Variants in FAM81B observed in about 807,000 individuals in gnomAD.
FAM81B encodes protein FAM81B.
FAM81B carries 60 observed loss-of-function variants against 58.7 expected under a neutral mutation model. The ratio of observed to expected loss-of-function variants is 1.02; its 90% CI spans 0.83 to 1.27. The LOEUF (loss-of-function observed/expected upper bound fraction) is 1.27, where lower values mean the gene tolerates loss of function less well. Among genes scored for constraint, FAM81B ranks in the 50% most tolerant of loss-of-function variants. FAM81B has a pLI of 0.00. For missense variants in FAM81B, 491 were observed against 522.0 expected (o/e 0.94, Z 0.58); for synonymous variants, 189 against 179.6 (o/e 1.05, Z -0.42).
At position 95,395,318 on chromosome 5, in the gene FAM81B, C is replaced by G. The variant is rs551547160; in HGVS notation, c.229-793C>G. Among the ~76,000 whole-genome samples the G allele has an allele frequency of 5.7e-4, 87 of 151,970 alleles. 1 individual carries two copies. The highest frequency in any genetic ancestry group is 1.9e-3 in the African/African-American group (79 of 41,470). On this transcript the variant is annotated intron_variant, in intron 2 of 9. Transcript: ENST00000283357. The stretch of plus-strand genomic sequence containing the variant: ...TTTAGCCAGGCGTGGTGGCGGGCGC[C>G]TGTCGTCCCAGCTACGCAGGAGGCT...
chr5:95,440,189 A>G, intron 7 of FAM81B: 1 of 618,852 alleles, frequency 1.6e-6, no homozygotes, highest in African/African-American at 1.8e-5. Flanking sequence ...TCAAGATTCA[A>G]GATCAACAAG....
At chr5:95,431,450 T>G (rs2152767624) in intron 6 of FAM81B, among the ~76,000 whole-genome samples, 1 of 152,134 alleles carries the variant, frequency 6.6e-6, no homozygotes, top group East Asian at 1.9e-4. Flanking sequence ...ATTAGTTGTT[T>G]TTGCTTATAA....
intron 3 of FAM81B, among the ~76,000 whole-genome samples, chr5:95,408,800 A>C (rs1005789177): frequency 4.6e-5 from 7 of 152,252 alleles, no homozygotes. Context: ...AAATGCTCAA[A>C]GATACTAGCT....
At chr5:95,450,121 G>T in intron 9 of FAM81B, 28 bp from the exon 10 acceptor site, 1 of 1,586,300 alleles carries the variant, frequency 6.3e-7, no homozygotes, top group Non-Finnish European at 8.5e-7. Context: ...CATTGTTTAA[G>T]TGTACCTATT....
intron 2 of FAM81B, among the ~76,000 whole-genome samples, chr5:95,394,387 T>C (rs1267051504): frequency 6.6e-6 from 1 of 152,010 alleles, no homozygotes. Context: ...TCCAAACATA[T>C]AAGGAGGGAC....
intron 7 of FAM81B, 51 bp downstream of exon 7, chr5:95,436,957 T>C (rs1333230639): frequency 6.9e-7 from 1 of 1,442,826 alleles, no homozygotes; most frequent in African/African-American, 1.4e-5. Flanking sequence ...CAAAGAGTTT[T>C]GCCTAATGAA....
intron 3 of FAM81B, 66 bp downstream of exon 3, chr5:95,396,241 A>C: frequency 8.0e-7 from 1 of 1,244,568 alleles, no homozygotes; most frequent in South Asian, 1.4e-5. Flanking sequence ...TCTCACACGC[A>C]AAAAAGAAAA....
At chr5:95,425,853 T>C (rs1762809674) in intron 5 of FAM81B, among the ~76,000 whole-genome samples, 1 of 151,908 alleles carries the variant, frequency 6.6e-6, no homozygotes, top group Non-Finnish European at 1.5e-5. Context: ...CTAAAGTTGG[T>C]ATTGAGATGG....
chr5:95,397,548 G>A (rs972477677), intron 3 of FAM81B, among the ~76,000 whole-genome samples: 8 of 152,146 alleles, frequency 5.3e-5, no homozygotes, highest in African/African-American at 1.9e-4. Context: ...AGCTGGTGAT[G>A]TACATCCCAG....
intron 3 of FAM81B, among the ~76,000 whole-genome samples, chr5:95,398,969 A>T (rs1182686621): frequency 6.6e-6 from 1 of 152,226 alleles, no homozygotes; most frequent in Non-Finnish European, 1.5e-5. Flanking sequence ...GAGAAAATGA[A>T]TCCTGAGTTT....
intron 3 of FAM81B, among the ~76,000 whole-genome samples, chr5:95,413,614 A>C (rs1762460004): frequency 6.6e-6 from 1 of 152,180 alleles, no homozygotes; most frequent in South Asian, 2.1e-4. Flanking sequence ...GCATCTTTAT[A>C]GTTATAAAAA....
At chr5:95,424,044 AT>A in intron 5 of FAM81B, 1 of 1,289,586 alleles carries the variant, frequency 7.8e-7, no homozygotes, top group Non-Finnish European at 1.0e-6. Context: ...CATTTCTATC[AT>A]CTAGGACCTC....
Position 95,439,925 on chromosome 5 carries a change from A to C in FAM81B, c.893+3019A>C, listed in dbSNP as rs559305584. 8 of 260,298 alleles carry C rather than the reference A, an allele frequency of 3.1e-5. 1 individual carries two copies. In the South Asian group the frequency reaches 3.7e-4, roughly 12 times the overall value. 16.1% of individuals were successfully genotyped at this position (260,298 alleles called of 1,614,324 possible). ...TCCCAGCTACCCAGGAGGCTGAGGC[A>C]AGCAGGATCGCTTGAACCCAGGAGT... On this transcript the variant is annotated intron_variant, in intron 7 of 9. Transcript: ENST00000283357.
intron 3 of FAM81B, among the ~76,000 whole-genome samples, chr5:95,401,464 A>G (rs1200480466): frequency 6.6e-6 from 1 of 152,160 alleles, no homozygotes; most frequent in African/African-American, 2.4e-5. Context: ...TCCACTTGCC[A>G]GGGTGGTTAT....
At chr5:95,413,911 A>G (rs1237348630) in intron 3 of FAM81B, 36 bp from the exon 4 acceptor site, 1 of 1,571,866 alleles carries the variant, frequency 6.4e-7, no homozygotes, top group Non-Finnish European at 8.6e-7. Flanking sequence ...TCATTCTTGT[A>G]ATGCCCTGGT....
In FAM81B at chr5:95,446,618, C is replaced by G. The variant is rs1745573614; in HGVS notation, c.950C>G (p.Thr317Arg). The change falls in exon 8 of 10, where the codon ACA (threonine) becomes AGA (arginine). Residue 317 changes from threonine (T) to arginine (R), a missense_variant. Coordinates refer to ENST00000283357, the MANE Select transcript of FAM81B (RefSeq NM_152548.3). ...YEEVENNKKW[T>R]ENQFLKYRKD... ...GAAGTTGAGAATAATAAAAAATGGA[C>G]AGAAAACCAATTTCTCAAATATAGA... is the stretch of plus-strand genomic sequence containing the variant. The G allele has an allele frequency of 6.2e-7, 1 of 1,613,042 alleles. No individual in the cohort carries two copies. The highest frequency in any genetic ancestry group is 8.5e-7 in the Non-Finnish European group (1 of 1,179,632).
Position 95,450,359 on chromosome 5 carries a change from T to A in FAM81B, c.*77T>A. 1 of 1,583,152 alleles carries A rather than the reference T, an allele frequency of 6.3e-7. No homozygotes were observed. The highest frequency in any genetic ancestry group is 2.3e-5 in the East Asian group (1 of 43,886). ...AAAGTTCTGAAGAAGAAAGTTACTA[T>A]CTCTGGGATGTTTACTGCTTCTAAT... On this transcript the variant is annotated 3_prime_UTR_variant, in exon 10 of 10. Coordinates refer to ENST00000283357, the MANE Select transcript of FAM81B (RefSeq NM_152548.3).
intron 3 of FAM81B, among the ~76,000 whole-genome samples, chr5:95,411,562 A>G (rs775556464): frequency 1.3e-5 from 2 of 152,226 alleles, no homozygotes; most frequent in Admixed American, 6.5e-5. Context: ...TTCAAAATGT[A>G]TAAATGCATA....
chr5:95,426,950 G>A (rs1187773897), intron 5 of FAM81B, among the ~76,000 whole-genome samples: 1 of 152,190 alleles, frequency 6.6e-6, no homozygotes, highest in Non-Finnish European at 1.5e-5. Flanking sequence ...TCGGGAGGGT[G>A]AGGCAGGAGA....
Sources: allele counts gnomAD v4.1 joint callset (sites outside exome capture counted in the v4.1 genomes callset), GRCh38; gene constraint gnomAD v4.1.1; transcripts MANE v1.5; gene names NCBI Gene and HGNC (gene_info 2026-07-23, HGNC 2026-07-21).